Variants in ACTN4 observed in about 807,000 individuals in gnomAD.
ACTN4 encodes alpha-actinin-4.
In ACTN4, 18 loss-of-function variants were observed where a neutral mutation model predicts 114.2. That is an observed-to-expected ratio of 0.16 (90% CI 0.11 to 0.23). The LOEUF is 0.23. ACTN4 is among the 10% of genes least tolerant of loss of function. The pLI, the probability that ACTN4 is intolerant of heterozygous loss-of-function variation, is 1.00. For synonymous variants in ACTN4, 515 were observed against 506.3 expected, an observed-to-expected ratio of 1.02 and a Z score of -0.23; for missense variants, 722 against 1,262.9, an observed-to-expected ratio of 0.57 and a Z score of 6.49.
rs868351367 is a variant in ACTN4, at chr19:38,647,692, G to C, written c.-54G>C. 1.3e-6 allele frequency: 2 copies of C among 1,513,828 alleles called. No individual in the cohort carries two copies. The highest frequency in any genetic ancestry group is 1.4e-5 in the African/African-American group (1 of 69,022). 93.8% of individuals were successfully genotyped at this position (1,513,828 alleles called of 1,614,324 possible). A position where few individuals can be genotyped will look rare whatever the true frequency, so the allele number is the denominator to read the frequency against. On this transcript the variant is annotated 5_prime_UTR_variant, in exon 1 of 21. Transcript: ENST00000252699. ...GTAGCGGCGGCGGCTCGGGCAGAGGGGCGGGAGCTGAGGCGGGAGCGGACA... is the reference window on the plus strand; with the variant it reads ...GTAGCGGCGGCGGCTCGGGCAGAGGCGCGGGAGCTGAGGCGGGAGCGGACA...
chr19:38,681,428 G>A (rs1163889939), intron 1 of ACTN4, among the ~76,000 whole-genome samples: 1 of 152,156 alleles, frequency 6.6e-6, no homozygotes, highest in Non-Finnish European at 1.5e-5. Flanking sequence ...TGCCCAGAGA[G>A]CAGGTTCTGA....
At chr19:38,723,442 C>T (rs544169225) in intron 12 of ACTN4, among the ~76,000 whole-genome samples, 172 bp from the exon 13 acceptor site, 1 of 152,290 alleles carries the variant, frequency 6.6e-6, no homozygotes, top group Admixed American at 6.5e-5. Flanking sequence ...CCTGGGGGTC[C>T]CATGGGCCAG....
Position 38,727,847 on chromosome 19 carries a change from A to G in ACTN4, c.2338-99A>G. The stretch of plus-strand genomic sequence containing the variant: ...CTCTAACTCTGTGTTTCCCTCCCCT[A>G]CGTGTCCCTTCCCCCTGCCCTCTGC... On this transcript the variant is annotated intron_variant, in intron 18 of 20. Coordinates refer to ENST00000252699, the MANE Select transcript of ACTN4 (RefSeq NM_004924.6). This position sits in a 1 kb window ranked among gnomAD's most constrained non-coding sequence, Gnocchi z 5.4. The G allele has an allele frequency of 9.0e-7, 1 of 1,115,018 alleles. No individual in the cohort carries two copies. Among genetic ancestry groups the G allele is most frequent in the Non-Finnish European group, 1.3e-6 (1 of 750,364 alleles). The allele number at this position is 1,115,018 out of a possible 1,614,324, so 69.1% of individuals were successfully genotyped here.
chr19:38,656,081 TC>T (rs754063568), intron 1 of ACTN4, among the ~76,000 whole-genome samples: 21 of 152,184 alleles, frequency 1.4e-4, no homozygotes, highest in Non-Finnish European at 2.8e-4. Context: ...CATTTGTTCC[TC>T]ACACAACTTT....
intron 12 of ACTN4, 152 bp downstream of exon 12, chr19:38,721,840 G>A (rs1019480422): frequency 6.9e-6 from 8 of 1,158,132 alleles, no homozygotes; most frequent in Non-Finnish European, 8.7e-6. Context: ...GCCAGGGAAG[G>A]GCCTTATGGG....
Position 38,730,973 on chromosome 19 carries a change from G to A in ACTN4, c.*1541G>A, listed in dbSNP as rs776493815. On this transcript the variant is annotated 3_prime_UTR_variant, in exon 21 of 21. Coordinates refer to ENST00000252699, the MANE Select transcript of ACTN4 (RefSeq NM_004924.6). ...CCTCCCACCTGGCTCACCTGTCTGT[G>A]GGTCAGGCAGATGACCCCCTCACCC... The A allele has an allele frequency of 2.3e-5, 36 of 1,550,758 alleles. No homozygotes were observed. In the South Asian group the frequency reaches 3.4e-4, roughly 15 times the overall value.
chr19:38,717,793 GTATAATA>G lies in ACTN4; in HGVS notation c.1144-133_1144-127del. On this transcript the variant is annotated intron_variant, in intron 10 of 20. Coordinates refer to ENST00000252699, the MANE Select transcript of ACTN4 (RefSeq NM_004924.6). The surrounding 1 kb of genome is among the most constrained non-coding windows in gnomAD (Gnocchi z 4.0). ...TGGGGGGCCCTGTGTAGGCATCCAGGTATAATAGCAAAGCATGACACAGACATGACCC... is the reference window on the plus strand; with the variant it reads ...TGGGGGGCCCTGTGTAGGCATCCAGGGCAAAGCATGACACAGACATGACCC... 3.3e-6 allele frequency: 4 copies of G among 1,225,268 alleles called. No homozygotes were observed. Among genetic ancestry groups the G allele is most frequent in the Non-Finnish European group, 4.6e-6 (4 of 863,310 alleles). The allele number at this position is 1,225,268 out of a possible 1,614,324, so 75.9% of individuals were successfully genotyped here.
intron 1 of ACTN4, chr19:38,648,294 A>C: frequency 3.5e-5 from 6 of 173,520 alleles, no homozygotes; most frequent in East Asian, 1.5e-4. Context: ...TGGGAGGAGA[A>C]TCAGGGGAGG....
intron 1 of ACTN4, among the ~76,000 whole-genome samples, chr19:38,700,072 A>C (rs1466598125): frequency 1.3e-5 from 2 of 152,156 alleles, no homozygotes; most frequent in East Asian, 3.9e-4. Context: ...GCCACGGGTC[A>C]CGGAAGCCAG....
intron 1 of ACTN4, among the ~76,000 whole-genome samples, chr19:38,684,192 C>G (rs935901321): frequency 2.0e-5 from 3 of 152,152 alleles, no homozygotes; most frequent in African/African-American, 7.2e-5. Context: ...ACTAAGTGCT[C>G]AATAAATGTG....
At chr19:38,668,509 T>C (rs1383881359) in intron 1 of ACTN4, among the ~76,000 whole-genome samples, 1 of 152,042 alleles carries the variant, frequency 6.6e-6, no homozygotes, top group Non-Finnish European at 1.5e-5. Context: ...AACATGGTGA[T>C]ACCCCGTCTC....
At chr19:38,689,194 T>A (rs1327209432) in intron 1 of ACTN4, among the ~76,000 whole-genome samples, 2 of 152,138 alleles carry the variant, frequency 1.3e-5, no homozygotes, top group African/African-American at 4.8e-5. Flanking sequence ...CATCAGCCAA[T>A]GAATTGATAA....
At position 38,714,630 on chromosome 19, in the gene ACTN4, C is replaced by G. The variant is rs558551791; in HGVS notation, c.912+69C>G. The stretch of plus-strand genomic sequence containing the variant: ...CAGCCAGAGGTCACTGTGACTCTTG[C>G]AGGGGGAAAGCAGGTGTGGCAGCGA... On this transcript the variant is annotated intron_variant, in intron 9 of 20. Transcript: ENST00000252699. 6.6e-5 allele frequency: 100 copies of G among 1,509,426 alleles called. 1 individual carries two copies. Among genetic ancestry groups the G allele is most frequent in the East Asian group, 5.5e-4 (24 of 43,752 alleles). 93.5% of individuals were successfully genotyped at this position (1,509,426 alleles called of 1,614,324 possible).
In ACTN4 at chr19:38,729,961, C is replaced by T; in HGVS notation, c.*529C>T. On this transcript the variant is annotated 3_prime_UTR_variant, in exon 21 of 21. Transcript: ENST00000252699. ...TCACTTGCCATTGCCAGGAGATGGC[C>T]CCAACAAGCACCCCGCTTTTGCAGC... 3.1e-6 allele frequency: 1 copy of T among 326,384 alleles called. No homozygotes were observed. The highest frequency in any genetic ancestry group is 6.0e-6 in the Non-Finnish European group (1 of 167,328). The allele number at this position is 326,384 out of a possible 1,614,324, so 20.2% of individuals were successfully genotyped here.
chr19:38,679,418 A>G (rs1392613989), intron 1 of ACTN4, among the ~76,000 whole-genome samples: 2 of 152,070 alleles, frequency 1.3e-5, no homozygotes, highest in Non-Finnish European at 2.9e-5. Flanking sequence ...TAACCCACAC[A>G]CACAGACCAT....
At chr19:38,726,637 C>T (rs1450553889) in intron 17 of ACTN4, among the ~76,000 whole-genome samples, 1 of 152,208 alleles carries the variant, frequency 6.6e-6, no homozygotes, top group Non-Finnish European at 1.5e-5. Context: ...CCAGAGTTGG[C>T]TTTTTTGTTT....
At chr19:38,650,589 A>G (rs1976532196) in intron 1 of ACTN4, among the ~76,000 whole-genome samples, 1 of 152,166 alleles carries the variant, frequency 6.6e-6, no homozygotes, top group Non-Finnish European at 1.5e-5. Flanking sequence ...CTGTGGGGGA[A>G]ACTACTGCTT....
At chr19:38,726,902 C>G in intron 17 of ACTN4, 55 bp from the exon 18 acceptor site, 3 of 1,610,110 alleles carry the variant, frequency 1.9e-6, no homozygotes, top group East Asian at 2.2e-5. Context: ...GTGTGAACCA[C>G]GGTGAGGACA....
chr19:38,707,984 T>C (rs1968516016), intron 5 of ACTN4, 133 bp from the exon 6 acceptor site: 1 of 913,410 alleles, frequency 1.1e-6, no homozygotes, highest in African/African-American at 1.6e-5. Context: ...TGCCACACTG[T>C]CTCCATGCAG....
Sources: allele counts gnomAD v4.1 joint callset (sites outside exome capture counted in the v4.1 genomes callset), GRCh38; gene constraint gnomAD v4.1.1; non-coding constraint Gnocchi (gnomAD v3.1); transcripts MANE v1.5; gene names NCBI Gene and HGNC (gene_info 2026-07-23, HGNC 2026-07-21).